The following NEXMIF variants were observed in gnomAD, a reference collection of about 807,000 sequenced individuals.
NEXMIF encodes XLMR protein related to neurite extension.
Under a neutral mutation model 62.1 loss-of-function variants are expected in NEXMIF, and 8 were observed. The ratio of observed to expected loss-of-function variants is 0.13; its 90% CI spans 0.08 to 0.23. The LOEUF is 0.23. Among genes scored for constraint, NEXMIF ranks in the 10% least tolerant of loss-of-function variants. The probability of loss-of-function intolerance (pLI) is 1.00; values close to 1 mark genes in which losing one functional copy is unlikely to be tolerated. For missense variants in NEXMIF, 976 were observed against 1,113.3 expected (o/e 0.88, Z 1.75); for synonymous variants, 404 against 416.6 (o/e 0.97, Z 0.37).
chrX:74,769,860 T>A, intron 1 of NEXMIF: 1 of 348,384 alleles, frequency 2.9e-6, no homozygotes, highest in Middle Eastern at 8.2e-4. Context: ...ATACACTGTA[T>A]GTACCACCCT....
rs2080104677 is a variant in NEXMIF at position 74,741,705 on chromosome X, T to A, written c.2852A>T (p.Asp951Val). The part of the protein sequence containing the change: ...GGSNCNKVLY[D>V]SMQDTQLPSD... The stretch of plus-strand genomic sequence containing the variant: ...TGGGAGTTGGGTATCTTGCATGGAG[T>A]CATACAGGACCTTGTTGCAATTACT... The change falls in exon 3 of 4, where the codon GAC becomes GTC. Residue 951 changes from aspartate to valine, a missense_variant. By Grantham distance (152) the Asp-to-Val change is radical. Transcript: ENST00000055682. 2 of 1,211,114 alleles carry A rather than the reference T, an allele frequency of 1.7e-6. No homozygotes were observed. The highest frequency in any genetic ancestry group is 3.0e-5 in the East Asian group (1 of 33,834).
At chrX:74,794,084 G>GT (rs1303543428) in intron 1 of NEXMIF, among the ~76,000 whole-genome samples, 1 of 98,796 alleles carries the variant, frequency 1.0e-5, no homozygotes, top group Non-Finnish European at 2.1e-5. Context: ...TTTCTGTTCT[G>GT]TTTTTTCCCC....
In NEXMIF at chrX:74,744,187, C is replaced by T. The variant is rs781426673; in HGVS notation, c.370G>A (p.Ala124Thr). 8.3e-6 allele frequency: 10 copies of T among 1,209,147 alleles called. No individual in the cohort carries two copies. Among genetic ancestry groups the T allele is most frequent in the Middle Eastern group, 2.3e-4 (1 of 4,373 alleles). ...LPNECEKAPF[A>T]IMEPAGMSAL... ...GACATGCCTGCAGGCTCCATTATGG[C>T]AAATGGAGCTTTCTCACATTCATTG... The change falls in exon 3 of 4, where the codon GCC (alanine) becomes ACC (threonine). Residue 124 changes from alanine (A) to threonine (T), a missense_variant. By Grantham distance (58) the Ala-to-Thr change is moderately conservative. This residue lies in a region of NEXMIF where 126 missense variants were observed against 146.5 expected (regional missense o/e 0.86). Coordinates refer to ENST00000055682, the MANE Select transcript of NEXMIF (RefSeq NM_001008537.3).
At chrX:74,889,458 T>A (rs1330010373) in intron 1 of NEXMIF, among the ~76,000 whole-genome samples, 2 of 112,108 alleles carry the variant, frequency 1.8e-5, no homozygotes, top group East Asian at 2.8e-4. Context: ...TTTTTATTTA[T>A]TTACTTATTT....
intron 1 of NEXMIF, among the ~76,000 whole-genome samples, chrX:74,825,973 G>C (rs1304325347): frequency 8.9e-6 from 1 of 112,704 alleles, no homozygotes; most frequent in African/African-American, 3.2e-5. Flanking sequence ...ATGCTGCAAT[G>C]AACATAGGTG....
chrX:74,762,395 G>C (rs2080179549), intron 1 of NEXMIF, among the ~76,000 whole-genome samples: 1 of 111,234 alleles, frequency 9.0e-6, no homozygotes, highest in Non-Finnish European at 1.9e-5. Flanking sequence ...CCAAGTCTTT[G>C]CTATTGTGAA....
At chrX:74,783,559 C>A (rs1261086889) in intron 1 of NEXMIF, among the ~76,000 whole-genome samples, 1 of 111,542 alleles carries the variant, frequency 9.0e-6, no homozygotes, top group Non-Finnish European at 1.9e-5. Flanking sequence ...AGTCTGGCAG[C>A]AGAGGGTCAA....
At chrX:74,760,883 T>C (rs867582601) in intron 1 of NEXMIF, among the ~76,000 whole-genome samples, 1 of 85,465 alleles carries the variant, frequency 1.2e-5, no homozygotes, top group Non-Finnish European at 2.4e-5. Flanking sequence ...TATTTATTTA[T>C]TTAAGATGGA....
intron 1 of NEXMIF, among the ~76,000 whole-genome samples, chrX:74,761,596 T>C (rs1301527195): frequency 9.0e-6 from 1 of 111,561 alleles, no homozygotes; most frequent in African/African-American, 3.3e-5. Context: ...ATTGTATTTA[T>C]TTGTATCTTC....
At chrX:74,745,733 T>G in intron 1 of NEXMIF, 36 bp from the exon 2 acceptor site, 1 of 613,203 alleles carries the variant, frequency 1.6e-6, no homozygotes, top group Non-Finnish European at 2.7e-6. Flanking sequence ...AGTCATTAAA[T>G]TTGTTTTATT....
intron 1 of NEXMIF, among the ~76,000 whole-genome samples, chrX:74,914,157 T>C (rs983297300): frequency 3.6e-5 from 4 of 112,050 alleles, no homozygotes; most frequent in African/African-American, 1.3e-4. Flanking sequence ...AAGGTTTCTA[T>C]AATTTACTCA....
At chrX:74,788,141 A>T (rs1400927149) in intron 1 of NEXMIF, among the ~76,000 whole-genome samples, 3 of 111,976 alleles carry the variant, frequency 2.7e-5, no homozygotes, top group Non-Finnish European at 5.6e-5. Flanking sequence ...TCTGGAATCA[A>T]GTATTTTCTG....
intron 1 of NEXMIF, among the ~76,000 whole-genome samples, chrX:74,917,050 G>A (rs1437635886): frequency 1.8e-5 from 2 of 111,343 alleles, no homozygotes; most frequent in Admixed American, 1.9e-4. Flanking sequence ...AAGACAACAA[G>A]CAATAAACAT....
intron 1 of NEXMIF, among the ~76,000 whole-genome samples, chrX:74,876,916 A>G (rs1346035401): frequency 1.7e-4 from 19 of 111,164 alleles, no homozygotes; most frequent in Admixed American, 5.8e-4. Context: ...CCCGAATACA[A>G]CACACTGATG....
intron 1 of NEXMIF, among the ~76,000 whole-genome samples, chrX:74,815,180 G>T (rs190473649): frequency 4.5e-5 from 5 of 112,042 alleles, no homozygotes; most frequent in African/African-American, 1.6e-4. Flanking sequence ...AGTGAATGAT[G>T]AATTTTTTAT....
intron 1 of NEXMIF, among the ~76,000 whole-genome samples, chrX:74,776,333 C>G (rs947133041): frequency 9.0e-6 from 1 of 111,703 alleles, no homozygotes; most frequent in Admixed American, 9.5e-5. Context: ...GAAGCTACAC[C>G]ATAATCAAGG....
intron 1 of NEXMIF, among the ~76,000 whole-genome samples, chrX:74,849,374 A>G (rs1004631328): frequency 8.9e-6 from 1 of 112,474 alleles, no homozygotes; most frequent in Non-Finnish European, 1.9e-5. Flanking sequence ...AACCCTCAGC[A>G]GTCCACATTC....
intron 1 of NEXMIF, among the ~76,000 whole-genome samples, chrX:74,878,279 G>A (rs1211613721): frequency 8.9e-6 from 1 of 111,977 alleles, no homozygotes; most frequent in East Asian, 2.8e-4. Context: ...CTGCTCGGGT[G>A]TGCTTCCCAG....
chrX:74,767,033 T>G (rs951763405), intron 1 of NEXMIF, among the ~76,000 whole-genome samples: 1 of 112,099 alleles, frequency 8.9e-6, no homozygotes, highest in African/African-American at 3.2e-5. Flanking sequence ...AGACCAGTCT[T>G]TAGTCCTCAT....
Sources: gnomAD v4.1 joint callset for allele counts (sites outside exome capture counted in the v4.1 genomes callset) on GRCh38, gnomAD v4.1.1 for gene constraint, gnomAD v4.1.1 regional missense constraint, MANE v1.5 for transcripts, NCBI Gene and HGNC (gene_info 2026-07-23, HGNC 2026-07-21) for gene names.